The following ARHGAP44 variants were observed in gnomAD, a reference collection of about 807,000 sequenced individuals.
The protein encoded by ARHGAP44 is Rho GTPase activating protein 44.
A neutral mutation model predicts 106.8 loss-of-function variants in ARHGAP44; 43 were observed. The ratio of observed to expected loss-of-function variants is 0.40; its 90% confidence interval spans 0.32 to 0.52. The LOEUF (loss-of-function observed/expected upper bound fraction) is 0.52, where lower values mean the gene tolerates loss of function less well. ARHGAP44 is among the 20% of genes least tolerant of loss of function. The probability of loss-of-function intolerance (pLI) is 0.48; values close to 1 mark genes in which losing one functional copy is unlikely to be tolerated. For missense variants in ARHGAP44, 866 were observed against 1,050.5 expected (o/e 0.82, Z 2.43); for synonymous variants, 439 against 410.3 (o/e 1.07, Z -0.85).
chr17:12,852,792 C>T (rs1319773407), intron 1 of ARHGAP44, among the ~76,000 whole-genome samples: 6 of 152,076 alleles, frequency 3.9e-5, no homozygotes, highest in Admixed American at 3.9e-4. Flanking sequence ...CCGCCCACCT[C>T]GGCTTCCCAA....
intron 10 of ARHGAP44, 78 bp downstream of exon 10, chr17:12,944,274 C>G: frequency 4.8e-6 from 7 of 1,461,812 alleles, no homozygotes; most frequent in Non-Finnish European, 6.3e-6. Context: ...ATCCTCTCTC[C>G]TGTACCATCT....
intron 3 of ARHGAP44, among the ~76,000 whole-genome samples, chr17:12,908,359 G>A (rs993143949): frequency 1.3e-5 from 2 of 151,916 alleles, no homozygotes; most frequent in African/African-American, 2.4e-5. Flanking sequence ...ACCACACCCA[G>A]TTAATTTTTA....
At chr17:12,954,724 C>A (rs1210937999) in intron 13 of ARHGAP44, among the ~76,000 whole-genome samples, 1 of 152,036 alleles carries the variant, frequency 6.6e-6, no homozygotes, top group Non-Finnish European at 1.5e-5. Context: ...GGTCCTGGGG[C>A]CTCTTGTCAG....
chr17:12,934,127 G>A (rs1050398133), intron 7 of ARHGAP44, among the ~76,000 whole-genome samples: 13 of 152,154 alleles, frequency 8.5e-5, no homozygotes, highest in African/African-American at 2.7e-4. Context: ...GATTACAGGC[G>A]TGAGCCACCG....
At chr17:12,911,558 T>TG (rs958033154) in intron 4 of ARHGAP44, among the ~76,000 whole-genome samples, 6 of 152,260 alleles carry the variant, frequency 3.9e-5, no homozygotes, top group Non-Finnish European at 7.4e-5. Context: ...AGTGGGTCTT[T>TG]GGGGGTGGAG....
intron 18 of ARHGAP44, among the ~76,000 whole-genome samples, chr17:12,974,942 C>G (rs1374487310): frequency 6.6e-6 from 1 of 151,178 alleles, no homozygotes; most frequent in Non-Finnish European, 1.5e-5. Flanking sequence ...CTCCGCCTTA[C>G]AGGCTCAAGC....
At chr17:12,936,713 G>A (rs2038559928) in intron 7 of ARHGAP44, among the ~76,000 whole-genome samples, 2 of 152,326 alleles carry the variant, frequency 1.3e-5, no homozygotes, top group South Asian at 2.1e-4. Context: ...ATGCCAAAGA[G>A]CATAATTGCC....
At chr17:12,816,179 G>A (rs1399095056) in intron 1 of ARHGAP44, among the ~76,000 whole-genome samples, 1 of 152,168 alleles carries the variant, frequency 6.6e-6, no homozygotes, top group Non-Finnish European at 1.5e-5. Flanking sequence ...ATGTCAAGTA[G>A]AAGGCAGATC....
chr17:12,957,438 G>C (rs1047164285), intron 15 of ARHGAP44, among the ~76,000 whole-genome samples: 5 of 152,174 alleles, frequency 3.3e-5, no homozygotes, highest in Admixed American at 6.5e-5. Flanking sequence ...TAGATGCAGA[G>C]GGGGAGACAG....
At chr17:12,843,802 C>T (rs551007242) in intron 1 of ARHGAP44, among the ~76,000 whole-genome samples, 13 of 151,710 alleles carry the variant, frequency 8.6e-5, no homozygotes, top group African/African-American at 2.7e-4. Context: ...ATTACAGGCA[C>T]GTGCCACCAT....
chr17:12,839,649 A>G (rs915351905), intron 1 of ARHGAP44, among the ~76,000 whole-genome samples: 4 of 152,208 alleles, frequency 2.6e-5, no homozygotes, highest in African/African-American at 9.6e-5. Flanking sequence ...AAGATTTAGT[A>G]GAGGTATTTC....
At chr17:12,897,019 G>A (rs2150921850) in intron 3 of ARHGAP44, among the ~76,000 whole-genome samples, 1 of 152,262 alleles carries the variant, frequency 6.6e-6, no homozygotes, top group East Asian at 1.9e-4. Flanking sequence ...CTTCTCTAAT[G>A]CCTTTGTCTA....
At chr17:12,911,051 A>C (rs1249738318) in intron 4 of ARHGAP44, among the ~76,000 whole-genome samples, 57 of 27,932 alleles carry the variant, frequency 2.0e-3, no homozygotes, top group African/African-American at 4.4e-3. Context: ...AAAGTAACCA[A>C]AAAAAAAAAA....
Position 12,974,186 on chromosome 17 carries a change from G to T in ARHGAP44, c.1639G>T (p.Ala547Ser). Residue 547 changes from alanine to serine, a missense_variant, in exon 18 of 21, where the codon GCC becomes TCC. Coordinates refer to ENST00000379672, the MANE Select transcript of ARHGAP44 (RefSeq NM_014859.6). ...CGCCCCGCCCTCCATGCAGCCTCCCGCCCCGCCCGCCGAGCTGGCTGCGCC... is the reference window on the plus strand; with the variant it reads ...CGCCCCGCCCTCCATGCAGCCTCCCTCCCCGCCCGCCGAGCTGGCTGCGCC... ...SCAPPSMQPP[A>S]PPAELAAPLP... 1 of 1,548,906 alleles carries T rather than the reference G, an allele frequency of 6.5e-7. No individual in the cohort carries two copies. The highest frequency in any genetic ancestry group is 8.7e-7 in the Non-Finnish European group (1 of 1,146,882).
chr17:12,965,719 C>T (rs1400156807), intron 16 of ARHGAP44, among the ~76,000 whole-genome samples: 2 of 152,204 alleles, frequency 1.3e-5, no homozygotes, highest in Non-Finnish European at 2.9e-5. Flanking sequence ...CCACAGGGGG[C>T]TGTAGCATGT....
chr17:12,873,165 T>C (rs2150885910), intron 1 of ARHGAP44, among the ~76,000 whole-genome samples: 1 of 152,270 alleles, frequency 6.6e-6, no homozygotes, highest in African/African-American at 2.4e-5. Flanking sequence ...TCTTGTCCCC[T>C]AATTCCCATG....
chr17:12,792,116 A>G (rs1421562363), intron 1 of ARHGAP44, among the ~76,000 whole-genome samples: 2 of 152,082 alleles, frequency 1.3e-5, no homozygotes, highest in Non-Finnish European at 2.9e-5. Context: ...CCCCAAACAC[A>G]CTGAGCTCAT....
chr17:12,875,789 C>T (rs1004555710), intron 1 of ARHGAP44, among the ~76,000 whole-genome samples: 2 of 151,908 alleles, frequency 1.3e-5, no homozygotes, highest in African/African-American at 4.8e-5. Context: ...ACTAAAAATA[C>T]AAAAATTAGC....
chr17:12,887,866 GTT>G (rs540643103), intron 1 of ARHGAP44, among the ~76,000 whole-genome samples: 4 of 126,362 alleles, frequency 3.2e-5, no homozygotes, highest in Admixed American at 2.4e-4. Context: ...AATCATTTTT[GTT>G]TTTTTTTTTT....
Sources: gnomAD v4.1 joint callset for allele counts (sites outside exome capture counted in the v4.1 genomes callset) on GRCh38, gnomAD v4.1.1 for gene constraint, MANE v1.5 for transcripts, NCBI Gene and HGNC (gene_info 2026-07-23, HGNC 2026-07-21) for gene names.